ROBO2: variants seen among roughly 807,000 people sequenced by gnomAD.
ROBO2 encodes roundabout homolog 2.
In ROBO2, 53 loss-of-function variants were observed where a neutral mutation model predicts 160.8. The observed-to-expected ratio is 0.33, with a 90% CI of 0.26 to 0.41. The LOEUF (loss-of-function observed/expected upper bound fraction) is 0.41. ROBO2 is among the 10% of genes least tolerant of loss of function. ROBO2 has a pLI of 1.00. For synonymous variants in ROBO2, 664 were observed against 611.7 expected, an observed-to-expected ratio of 1.09 and a Z score of -1.26; for missense variants, 1,577 against 1,722.4, an observed-to-expected ratio of 0.92 and a Z score of 1.49.
chr3:77,300,748 G>T (rs1043341983), intron 2 of ROBO2, among the ~76,000 whole-genome samples: 2 of 151,974 alleles, frequency 1.3e-5, no homozygotes, highest in African/African-American at 2.4e-5. Context: ...TTCTGATAAT[G>T]AATGTCTCTA....
chr3:77,155,404 CT>C (rs1227488722), intron 2 of ROBO2, among the ~76,000 whole-genome samples: 1 of 151,938 alleles, frequency 6.6e-6, no homozygotes, highest in Non-Finnish European at 1.5e-5. Flanking sequence ...ATGAGAAGGA[CT>C]TCACTTGCTC....
chr3:76,319,545 TG>T (rs1460881550), intron 2 of ROBO2, among the ~76,000 whole-genome samples: 2 of 152,022 alleles, frequency 1.3e-5, no homozygotes, highest in African/African-American at 4.8e-5. Flanking sequence ...AAGTTGCACT[TG>T]GTTCTATTTT....
intron 2 of ROBO2, among the ~76,000 whole-genome samples, chr3:76,448,507 G>C (rs2077314470): frequency 6.6e-6 from 1 of 152,128 alleles, no homozygotes. Context: ...CCAATGAGGA[G>C]AGACTGCTGA....
chr3:76,863,068 T>C, intron 2 of ROBO2, among the ~76,000 whole-genome samples: 1 of 152,138 alleles, frequency 6.6e-6, no homozygotes, highest in Non-Finnish European at 1.5e-5. Flanking sequence ...CTGTAACTTC[T>C]ATATTTCTTA....
chr3:77,353,310 A>G (rs1014884961), intron 2 of ROBO2, among the ~76,000 whole-genome samples: 7 of 152,186 alleles, frequency 4.6e-5, no homozygotes, highest in Non-Finnish European at 8.8e-5. Flanking sequence ...TGCTACTTCT[A>G]AAAAGGTGAA....
At chr3:76,495,665 A>G (rs1280011567) in intron 2 of ROBO2, among the ~76,000 whole-genome samples, 2 of 152,184 alleles carry the variant, frequency 1.3e-5, no homozygotes, top group Non-Finnish European at 2.9e-5. Flanking sequence ...AAACATGGAC[A>G]ACAAGGTATG....
intron 2 of ROBO2, among the ~76,000 whole-genome samples, chr3:76,186,859 G>A (rs1701789643): frequency 6.6e-6 from 1 of 151,978 alleles, no homozygotes; most frequent in Non-Finnish European, 1.5e-5. Flanking sequence ...ATGTTGCCAA[G>A]TCCAGTTTAT....
chr3:76,254,679 G>T (rs2107567991), intron 2 of ROBO2, among the ~76,000 whole-genome samples: 1 of 151,914 alleles, frequency 6.6e-6, no homozygotes, highest in East Asian at 1.9e-4. Context: ...CCTTTACTGT[G>T]GTGGTAGATA....
intron 2 of ROBO2, among the ~76,000 whole-genome samples, chr3:76,468,760 G>A (rs568032806): frequency 2.6e-5 from 4 of 151,980 alleles, no homozygotes; most frequent in East Asian, 3.9e-4. Context: ...AGGATATATA[G>A]GTTAAACCTG....
chr3:76,909,213 C>T lies in ROBO2; in HGVS notation c.110-188801C>T, dbSNP rs567156958. ...CTGTACTCCAGCCTCAGTGACAGGT[C>T]TACTTTGACTGAAAAACTTTTGAGA... is the stretch of plus-strand genomic sequence containing the variant. On this transcript the variant is annotated intron_variant, in intron 2 of 26. Transcript: ENST00000487694. Among the ~76,000 whole-genome samples the T allele has an allele frequency of 2.9e-4, 44 of 152,262 alleles. No homozygotes were observed. In the South Asian group the frequency reaches 6.6e-3, roughly 23 times the overall value.
intron 2 of ROBO2, among the ~76,000 whole-genome samples, chr3:76,109,110 C>T (rs918392504): frequency 2.6e-5 from 4 of 151,830 alleles, no homozygotes; most frequent in African/African-American, 4.8e-5. Context: ...GAAATTATTG[C>T]TAGAAGTTTC....
At chr3:76,932,022 G>A (rs2077378536) in intron 2 of ROBO2, among the ~76,000 whole-genome samples, 1 of 152,098 alleles carries the variant, frequency 6.6e-6, no homozygotes, top group South Asian at 2.1e-4. Context: ...TCACCATGGA[G>A]AAACATCCTC....
intron 2 of ROBO2, among the ~76,000 whole-genome samples, chr3:76,477,657 T>C (rs970813862): frequency 1.6e-4 from 25 of 152,136 alleles, no homozygotes; most frequent in Non-Finnish European, 3.2e-4. Flanking sequence ...TCTTAATTTT[T>C]ATTTTAAAAT....
Position 76,425,836 on chromosome 3 carries a change from T to C in ROBO2, c.109+488234T>C, listed in dbSNP as rs1469969771. Among the ~76,000 whole-genome samples the C allele has an allele frequency of 2.6e-5, 4 of 152,038 alleles. No homozygotes were observed. The East Asian group carries it at 5.8e-4, about 22-fold the overall frequency. ...AAGAGGACCCAGTGTGTTTACATCA[T>C]GTTTGTGAGGTGTTCAACTTACCTC... On this transcript the variant is annotated intron_variant, in intron 2 of 26. Coordinates refer to the ROBO2 transcript ENST00000487694.
intron 2 of ROBO2, among the ~76,000 whole-genome samples, chr3:77,104,012 CA>C (rs1184110698): frequency 6.6e-6 from 1 of 151,964 alleles, no homozygotes; most frequent in Admixed American, 6.5e-5. Context: ...AATTAAATTG[CA>C]AAAAGATCAA....
At chr3:76,940,987 A>G (rs1438602723) in intron 2 of ROBO2, among the ~76,000 whole-genome samples, 1 of 152,168 alleles carries the variant, frequency 6.6e-6, no homozygotes, top group African/African-American at 2.4e-5. Context: ...TGAAGCCTTG[A>G]TATTCCTGCC....
At chr3:76,212,789 T>C (rs911358156) in intron 2 of ROBO2, among the ~76,000 whole-genome samples, 1 of 151,890 alleles carries the variant, frequency 6.6e-6, no homozygotes, top group African/African-American at 2.4e-5. Context: ...CAGCATTCCT[T>C]AATGTCACAT....
intron 2 of ROBO2, among the ~76,000 whole-genome samples, chr3:76,225,877 T>C (rs530537940): frequency 6.6e-6 from 1 of 152,190 alleles, no homozygotes; most frequent in East Asian, 1.9e-4. Flanking sequence ...CATTGCAAGA[T>C]ACATTAACTC....
intron 2 of ROBO2, among the ~76,000 whole-genome samples, chr3:75,949,592 G>A (rs1202494930): frequency 1.3e-5 from 2 of 151,896 alleles, no homozygotes; most frequent in Non-Finnish European, 2.9e-5. Flanking sequence ...GTAAACAAAA[G>A]CAAACCAAAA....
Sources: gnomAD v4.1 joint callset for allele counts (sites outside exome capture counted in the v4.1 genomes callset) on GRCh38, gnomAD v4.1.1 for gene constraint, MANE v1.5 for transcripts, NCBI Gene and HGNC (gene_info 2026-07-23, HGNC 2026-07-21) for gene names.